The following CSMD1 variants were observed in gnomAD, a reference collection of about 807,000 sequenced individuals.
CSMD1 encodes CUB and sushi domain-containing protein 1.
CSMD1 carries 213 observed loss-of-function variants against 417.5 expected under a neutral mutation model. That is an observed-to-expected ratio of 0.51 (90% CI 0.46 to 0.57). The LOEUF (loss-of-function observed/expected upper bound fraction) is 0.57, where lower values mean the gene tolerates loss of function less well. Among genes scored for constraint, CSMD1 ranks in the 20% least tolerant of loss-of-function variants. The pLI, the probability that CSMD1 is intolerant of heterozygous loss-of-function variation, is 0.00. For missense variants in CSMD1, 6,923 were observed against 4,529.7 expected (o/e 1.53, Z -15.17); for synonymous variants, 2,862 against 1,736.8 (o/e 1.65, Z -16.11).
In CSMD1 at chr8:4,680,488, T is replaced by C. The variant is rs193001059; in HGVS notation, c.86-42930A>G. 6.6e-5 allele frequency among the ~76,000 whole-genome samples: 10 copies of C among 152,286 alleles called. No homozygotes were observed. The East Asian group carries it at 1.5e-3, about 23-fold the overall frequency. On this transcript the variant is annotated intron_variant, in intron 1 of 69. Coordinates refer to ENST00000635120, the MANE Select transcript of CSMD1 (RefSeq NM_033225.6). ...TTCACACTTGATGACACTGGGCAGA[T>C]GCATTAAATTATAGAGAGGGAGGAA...
chr8:4,016,716 G>C (rs765403047), intron 4 of CSMD1, among the ~76,000 whole-genome samples: 2 of 152,198 alleles, frequency 1.3e-5, no homozygotes, highest in African/African-American at 2.4e-5. Context: ...TAACATGTTA[G>C]GAAGACCCTA....
intron 7 of CSMD1, among the ~76,000 whole-genome samples, chr8:3,703,359 G>C (rs1367234174): frequency 5.3e-5 from 8 of 152,100 alleles, no homozygotes; most frequent in Admixed American, 4.6e-4. Context: ...ATTCACAAAA[G>C]ACTCATCAGA....
chr8:3,152,536 C>T (rs1208165463), intron 39 of CSMD1, among the ~76,000 whole-genome samples: 1 of 152,106 alleles, frequency 6.6e-6, no homozygotes. Flanking sequence ...ATCATCAAGA[C>T]TGAAACAACT....
At chr8:4,167,975 A>C (rs1797548875) in intron 3 of CSMD1, among the ~76,000 whole-genome samples, 1 of 151,902 alleles carries the variant, frequency 6.6e-6, no homozygotes, top group Non-Finnish European at 1.5e-5. Flanking sequence ...TAAAAATACA[A>C]AAAATTAGCC....
rs879867973 is a variant in CSMD1 at position 3,931,419 on chromosome 8, G to GA, written c.818+66483dup. On this transcript the variant is annotated intron_variant, in intron 5 of 69. Transcript: ENST00000635120. ...TCTTTTACCCATTCTGGGTATTGTG[G>GA]AAAAAAAAATCTTTCAATCCATGGC... Among the ~76,000 whole-genome samples the GA allele has an allele frequency of 2.9e-4, 43 of 149,128 alleles. 1 individual carries two copies. The highest frequency in any genetic ancestry group is 6.0e-4 in the Admixed American group (9 of 15,026).
intron 20 of CSMD1, among the ~76,000 whole-genome samples, chr8:3,366,101 G>T (rs1377458048): frequency 6.6e-6 from 1 of 152,180 alleles, no homozygotes; most frequent in African/African-American, 2.4e-5. Flanking sequence ...ACCACCTTAT[G>T]AAAATTACAT....
At chr8:3,841,532 A>C (rs917868165) in intron 5 of CSMD1, among the ~76,000 whole-genome samples, 1 of 152,182 alleles carries the variant, frequency 6.6e-6, no homozygotes, top group African/African-American at 2.4e-5. Flanking sequence ...GGGACTTGTA[A>C]AATTCCACAA....
At chr8:4,965,233 G>T (rs1004765890) in intron 1 of CSMD1, among the ~76,000 whole-genome samples, 2 of 152,166 alleles carry the variant, frequency 1.3e-5, no homozygotes, top group South Asian at 4.1e-4. Context: ...ACACATTTCA[G>T]ATTTTAAAAA....
intron 12 of CSMD1, among the ~76,000 whole-genome samples, chr8:3,456,982 T>C (rs1267714601): frequency 2.0e-5 from 3 of 151,638 alleles, no homozygotes; most frequent in East Asian, 1.9e-4. Context: ...CCTCATCCCA[T>C]AGCCCCTCAT....
chr8:3,141,876 C>T (rs569345894), intron 41 of CSMD1, among the ~76,000 whole-genome samples: 10 of 151,364 alleles, frequency 6.6e-5, no homozygotes, highest in African/African-American at 1.7e-4. Context: ...CTCCTCACTG[C>T]AAGCTCCGCC....
Position 3,971,741 on chromosome 8 carries a change from G to A in CSMD1, c.818+26162C>T, listed in dbSNP as rs144606848. On this transcript the variant is annotated intron_variant, in intron 5 of 69. Transcript: ENST00000635120. ...GAGTTTCTCGTAGACCACCAAGGCC[G>A]ATGCATTTTCTTAAATTCAGTAAAA... 1.1e-3 allele frequency among the ~76,000 whole-genome samples: 169 copies of A among 152,224 alleles called. 2 individuals carry two copies. The highest frequency in any genetic ancestry group is 3.7e-3 in the African/African-American group (154 of 41,524).
intron 10 of CSMD1, among the ~76,000 whole-genome samples, chr8:3,497,435 C>T (rs1400684160): frequency 6.6e-6 from 1 of 152,102 alleles, no homozygotes; most frequent in African/African-American, 2.4e-5. Flanking sequence ...TAGACACAGT[C>T]TTGCTCTGTC....
intron 13 of CSMD1, among the ~76,000 whole-genome samples, chr8:3,408,609 C>T (rs1448722131): frequency 1.3e-5 from 2 of 152,034 alleles, no homozygotes; most frequent in African/African-American, 2.4e-5. Context: ...CCTGCTCTTT[C>T]ATAACTTTTA....
At chr8:3,350,720 A>G (rs1449381194) in intron 21 of CSMD1, among the ~76,000 whole-genome samples, 1 of 152,198 alleles carries the variant, frequency 6.6e-6, no homozygotes, top group Non-Finnish European at 1.5e-5. Context: ...CTATATAATC[A>G]TTTCTCATAA....
intron 1 of CSMD1, among the ~76,000 whole-genome samples, chr8:4,853,803 C>A (rs1801627126): frequency 6.6e-6 from 1 of 152,196 alleles, no homozygotes; most frequent in Admixed American, 6.5e-5. Flanking sequence ...CACAAAGCCA[C>A]AGTGGACCTG....
chr8:3,322,497 T>G (rs1466496922), intron 23 of CSMD1, among the ~76,000 whole-genome samples: 1 of 152,248 alleles, frequency 6.6e-6, no homozygotes, highest in Non-Finnish European at 1.5e-5. Flanking sequence ...TTAAGGGTTC[T>G]GGAAGTTTCC....
At chr8:4,724,653 G>C (rs543386238) in intron 1 of CSMD1, among the ~76,000 whole-genome samples, 2 of 151,886 alleles carry the variant, frequency 1.3e-5, no homozygotes, top group Non-Finnish European at 2.9e-5. Context: ...GTTTCACACA[G>C]ACATTGAATA....
At chr8:3,327,115 G>A (rs565258088) in intron 23 of CSMD1, among the ~76,000 whole-genome samples, 6 of 151,144 alleles carry the variant, frequency 4.0e-5, no homozygotes, top group Non-Finnish European at 7.4e-5. Flanking sequence ...TCTCATCATT[G>A]GCATTAACAC....
At chr8:4,728,243 G>T (rs1385796445) in intron 1 of CSMD1, among the ~76,000 whole-genome samples, 1 of 149,568 alleles carries the variant, frequency 6.7e-6, no homozygotes, top group Non-Finnish European at 1.5e-5. Context: ...TACACCTAAT[G>T]ATATGAAGTA....
Sources: gnomAD v4.1 joint callset for allele counts (sites outside exome capture counted in the v4.1 genomes callset) on GRCh38, gnomAD v4.1.1 for gene constraint, MANE v1.5 for transcripts, NCBI Gene and HGNC (gene_info 2026-07-23, HGNC 2026-07-21) for gene names.